PLXNA4: variants seen among roughly 807,000 people sequenced by gnomAD.
PLXNA4 encodes plexin-A4.
PLXNA4 carries 44 observed loss-of-function variants against 191.8 expected under a neutral mutation model. That is an observed-to-expected ratio of 0.23 (90% CI 0.18 to 0.29). The LOEUF is 0.29. PLXNA4 is among the 10% of genes least tolerant of loss of function. The pLI, the probability that PLXNA4 is intolerant of heterozygous loss-of-function variation, is 1.00. For missense variants in PLXNA4, 1,800 were observed against 2,488.8 expected, an observed-to-expected ratio of 0.72 and a Z score of 5.89; for synonymous variants, 1,082 against 1,009.5, an observed-to-expected ratio of 1.07 and a Z score of -1.36.
At chr7:132,539,133 G>C (rs909284840) in intron 1 of PLXNA4, among the ~76,000 whole-genome samples, 20 of 152,294 alleles carry the variant, frequency 1.3e-4, no homozygotes, top group Admixed American at 3.3e-4. Context: ...TTAGGATCCT[G>C]CCTCTCCATC....
intron 3 of PLXNA4, among the ~76,000 whole-genome samples, chr7:132,385,920 T>G (rs1805117332): frequency 6.6e-6 from 1 of 152,224 alleles, no homozygotes; most frequent in Non-Finnish European, 1.5e-5. Flanking sequence ...AATCACATCG[T>G]TTTTGAACGC....
At chr7:132,158,586 A>G (rs1249435084) in intron 25 of PLXNA4, among the ~76,000 whole-genome samples, 2 of 152,246 alleles carry the variant, frequency 1.3e-5, no homozygotes, top group Non-Finnish European at 2.9e-5. Context: ...TTTTACATGC[A>G]TGATCTCACT....
chr7:132,337,559 C>A (rs1323153561), intron 3 of PLXNA4, among the ~76,000 whole-genome samples: 1 of 152,190 alleles, frequency 6.6e-6, no homozygotes, highest in Non-Finnish European at 1.5e-5. Context: ...GTCAACTACA[C>A]CCTAGTTGCA....
rs1805050435 is a variant in PLXNA4 at position 132,384,786 on chromosome 7, ACACACT to A, written c.1372-86570_1372-86565del. ...CACACACACACACACACACACACAC[ACACACT>A]GGCCAGGCGACTTGGCTGCAGAAGT... On this transcript the variant is annotated intron_variant, in intron 3 of 31. Transcript: ENST00000321063. The A allele has an allele frequency of 5.5e-6, 6 of 1,086,628 alleles. No homozygotes were observed. The South Asian group carries it at 6.5e-5, about 12-fold the overall frequency. The allele number at this position is 1,086,628 out of a possible 1,614,324, so 67.3% of individuals were successfully genotyped here. A position where few individuals can be genotyped will look rare whatever the true frequency, so the allele number is the denominator to read the frequency against.
intron 3 of PLXNA4, among the ~76,000 whole-genome samples, chr7:132,470,182 C>T (rs964362798): frequency 1.3e-5 from 2 of 152,188 alleles, no homozygotes; most frequent in African/African-American, 2.4e-5. Context: ...GAGAAGTTTA[C>T]AGAGGGCTCC....
intron 14 of PLXNA4, among the ~76,000 whole-genome samples, chr7:132,188,996 G>C (rs5027070): frequency 5.5e-5 from 2 of 36,054 alleles, no homozygotes; most frequent in Non-Finnish European, 1.2e-4. Context: ...AAGGAAAGGA[G>C]AGAGAGAGAG....
chr7:132,193,375 A>C (rs372117485), intron 14 of PLXNA4, among the ~76,000 whole-genome samples: 22 of 152,298 alleles, frequency 1.4e-4, no homozygotes, highest in African/African-American at 5.3e-4. Context: ...CAGAACAAGG[A>C]GTCAAATAAA....
chr7:132,494,726 AC>A (rs1405165784), intron 2 of PLXNA4, among the ~76,000 whole-genome samples: 3 of 152,212 alleles, frequency 2.0e-5, no homozygotes, highest in African/African-American at 7.2e-5. Context: ...CAGAGCAGTT[AC>A]GGTTACTTTA....
chr7:132,242,262 A>C (rs1284831564), intron 4 of PLXNA4, among the ~76,000 whole-genome samples: 3 of 151,880 alleles, frequency 2.0e-5, no homozygotes, highest in Non-Finnish European at 4.4e-5. Flanking sequence ...TGATGTGGCC[A>C]TCCTTTTAAA....
intron 1 of PLXNA4, among the ~76,000 whole-genome samples, chr7:132,540,408 C>T (rs1157837408): frequency 6.6e-6 from 1 of 152,084 alleles, no homozygotes; most frequent in African/African-American, 2.4e-5. Context: ...ATTGCCCTAG[C>T]TCCAATCACC....
At chr7:132,178,322 T>G (rs1365641906) in intron 20 of PLXNA4, among the ~76,000 whole-genome samples, 1 of 151,710 alleles carries the variant, frequency 6.6e-6, no homozygotes, top group Middle Eastern at 3.2e-3. Flanking sequence ...TCTAGTGGGG[T>G]GAAGGTGACA....
intron 3 of PLXNA4, among the ~76,000 whole-genome samples, chr7:132,477,044 C>A (rs925896802): frequency 1.3e-5 from 2 of 152,108 alleles, no homozygotes; most frequent in Non-Finnish European, 2.9e-5. Context: ...TCAGCCATAT[C>A]CTATATTTTT....
At chr7:132,378,407 G>A (rs1230529035) in intron 3 of PLXNA4, among the ~76,000 whole-genome samples, 1 of 152,146 alleles carries the variant, frequency 6.6e-6, no homozygotes, top group Non-Finnish European at 1.5e-5. Context: ...TTGAGTCATT[G>A]GTTGATGCCA....
chr7:132,194,518 GCAGAGTCC>G (rs1275949096), intron 13 of PLXNA4, among the ~76,000 whole-genome samples: 1 of 152,270 alleles, frequency 6.6e-6, no homozygotes, highest in East Asian at 1.9e-4. Context: ...AATAGGGCTG[GCAGAGTCC>G]AGAGAGGCAA....
intron 2 of PLXNA4, among the ~76,000 whole-genome samples, chr7:132,641,636 C>T (rs957508068): frequency 6.6e-6 from 1 of 152,120 alleles, no homozygotes; most frequent in Non-Finnish European, 1.5e-5. Context: ...TCTTATCTTT[C>T]GAATAATAAA....
rs1389901325 is a variant in PLXNA4 at position 132,129,253 on chromosome 7, A to G, written c.*1226T>C. ...TTTCTTTCAAGGATGACTGCTGAAG[A>G]GATGAGGAAGGAGAATGATGAGAGA... On this transcript the variant is annotated 3_prime_UTR_variant, in exon 32 of 32. Transcript: ENST00000321063. 1.3e-5 allele frequency: 2 copies of G among 152,232 alleles called. No homozygotes were observed. The highest frequency in any genetic ancestry group is 4.8e-5 in the African/African-American group (2 of 41,456). The allele number at this position is 152,232 out of a possible 1,614,324, so 9.4% of individuals were successfully genotyped here. A position where few individuals can be genotyped will look rare whatever the true frequency, so the allele number is the denominator to read the frequency against.
intron 2 of PLXNA4, among the ~76,000 whole-genome samples, chr7:132,617,186 TTC>T (rs141298350): frequency 1.0e-3 from 152 of 152,310 alleles, no homozygotes; most frequent in African/African-American, 3.3e-3. Context: ...CATGGGTTTG[TTC>T]TCTGAGGCTT....
rs540263639 is a variant in PLXNA4, at chr7:132,135,727, G to A, written c.5439-2528C>T. On this transcript the variant is annotated intron_variant, in intron 30 of 31. Transcript: ENST00000321063. ...TGGAGGGCAGGGAGTTGAGAGTAGG[G>A]TAGGACAGGGCTGGGGCCCTGACCA... 2.0e-5 allele frequency among the ~76,000 whole-genome samples: 3 copies of A among 152,292 alleles called. 1 individual carries two copies. Among genetic ancestry groups the A allele is most frequent in the African/African-American group, 7.2e-5 (3 of 41,568 alleles).
At position 132,416,587 on chromosome 7, in the gene PLXNA4, C is replaced by T. The variant is rs75351076; in HGVS notation, c.1371+72705G>A. Among the ~76,000 whole-genome samples, 2,774 of 152,294 alleles carry T rather than the reference C, an allele frequency of 0.018. 212 individuals carry two copies. In the East Asian group the frequency reaches 0.27, roughly 15 times the overall value. ...TACTCAGAGGTGATTTCCAACACGT[C>T]TTCACACTATTATGACTCCTGACAG... On this transcript the variant is annotated intron_variant, in intron 3 of 31. Transcript: ENST00000321063.
Sources: allele counts gnomAD v4.1 joint callset (sites outside exome capture counted in the v4.1 genomes callset), GRCh38; gene constraint gnomAD v4.1.1; transcripts MANE v1.5; gene names NCBI Gene and HGNC (gene_info 2026-07-23, HGNC 2026-07-21).